RILP: variants seen among roughly 807,000 people sequenced by gnomAD.
RILP encodes rab-interacting lysosomal protein.
A neutral mutation model predicts 40.0 loss-of-function variants in RILP; 53 were observed. That is an observed-to-expected ratio of 1.32 (90% CI 1.06 to 1.66). The LOEUF (loss-of-function observed/expected upper bound fraction) is 1.66. Ranked by LOEUF, RILP falls within the 40% of genes most tolerant of loss-of-function variation. The pLI, the probability that RILP is intolerant of heterozygous loss-of-function variation, is 0.00. For synonymous variants in RILP, 272 were observed against 250.6 expected, an observed-to-expected ratio of 1.09 and a Z score of -0.80; for missense variants, 626 against 551.7, an observed-to-expected ratio of 1.13 and a Z score of -1.35.
In RILP at chr17:1,648,492, C is replaced by T. The variant is rs1325513975; in HGVS notation, c.679G>A (p.Glu227Lys). 5.0e-6 allele frequency: 8 copies of T among 1,612,902 alleles called. No individual in the cohort carries two copies. Among genetic ancestry groups the T allele is most frequent in the Non-Finnish European group, 4.2e-6 (5 of 1,179,926 alleles). ...GAPGNPEDPA[E>K]AAQQLGRPSE... ...GGGCGCCCGAGCTGCTGCGCGGCCT[C>T]CGCCTTTGGAAGGACAGGCACAGTC... The change falls in exon 5 of 8, where the codon GAG (glutamate) becomes AAG (lysine). Residue 227 changes from glutamate (E) to lysine (K), a missense_variant. By Grantham distance (56) the Glu-to-Lys change is moderately conservative. Transcript: ENST00000301336. The surrounding 1 kb of genome is among the most constrained non-coding windows in gnomAD (Gnocchi z 4.9).
At position 1,646,313 on chromosome 17, in the gene RILP, G is replaced by C. The variant is rs989670458; in HGVS notation, c.*129C>G. The stretch of plus-strand genomic sequence containing the variant: ...GGCTCGGTACAGAGACGTAGAGAGG[G>C]AGGCGGGCTGAGACCCCGTCCTGCC... On this transcript the variant is annotated 3_prime_UTR_variant, in exon 8 of 8. Transcript: ENST00000301336. This position sits in a 1 kb window ranked among gnomAD's most constrained non-coding sequence, Gnocchi z 4.3. 8.6e-6 allele frequency: 7 copies of C among 816,158 alleles called. No individual in the cohort carries two copies. In the African/African-American group the frequency reaches 1.2e-4, roughly 14 times the overall value. 50.6% of individuals were successfully genotyped at this position (816,158 alleles called of 1,614,324 possible).
In RILP at chr17:1,646,625, G is replaced by C. The variant is rs550992717; in HGVS notation, c.1029-6C>G. 1 of 1,564,226 alleles carries C rather than the reference G, an allele frequency of 6.4e-7. No homozygotes were observed. The highest frequency in any genetic ancestry group is 1.4e-5 in the African/African-American group (1 of 73,518). The stretch of plus-strand genomic sequence containing the variant: ...CCCGATACCATAGGCCAAAGCTGGA[G>C]AGAGACAGCCAGAGGCACTTTGAGC... On this transcript the variant is annotated splice_region_variant and splice_polypyrimidine_tract_variant and intron_variant, in intron 7 of 7. Transcript: ENST00000301336. This position sits in a 1 kb window ranked among gnomAD's most constrained non-coding sequence, Gnocchi z 4.3.
chr17:1,648,130 C>T lies in RILP; in HGVS notation c.822-173G>A, dbSNP rs1417865253. 6.6e-6 allele frequency among the ~76,000 whole-genome samples: 1 copy of T among 152,216 alleles called. No individual in the cohort carries two copies. Among genetic ancestry groups the T allele is most frequent in the Non-Finnish European group, 1.5e-5 (1 of 68,034 alleles). ...CCCTCAGACCTTAAATTAGGTGGCC[C>T]CGTGGCCCCCTCCTAGGAGAGATTC... is the stretch of plus-strand genomic sequence containing the variant. On this transcript the variant is annotated intron_variant, in intron 5 of 7. Coordinates refer to ENST00000301336, the MANE Select transcript of RILP (RefSeq NM_031430.3). The surrounding 1 kb of genome is among the most constrained non-coding windows in gnomAD (Gnocchi z 4.9).
At chr17:1,647,812 T>C (rs764216686) in intron 6 of RILP, 23 bp downstream of exon 6, 20 of 1,613,670 alleles carry the variant, frequency 1.2e-5, no homozygotes, top group Non-Finnish European at 1.6e-5. Context: ...CCTGGCTCCG[T>C]GGGAATGCAG....
chr17:1,648,463 C>T lies in RILP; in HGVS notation c.708G>A (p.Ser236=), dbSNP rs1272119192. Residue 236 remains serine, a synonymous_variant, in exon 5 of 8, where the codon TCG becomes TCA. Coordinates refer to ENST00000301336, the MANE Select transcript of RILP (RefSeq NM_031430.3). This position sits in a 1 kb window ranked among gnomAD's most constrained non-coding sequence, Gnocchi z 4.9. ...GACTGAAGCGGCACTGCCCTGCCTC[C>T]GAGGGGCGCCCGAGCTGCTGCGCGG... ...AEAAQQLGRP[S]EAGQCRFSRE... 3 of 1,613,806 alleles carry T rather than the reference C, an allele frequency of 1.9e-6. No homozygotes were observed. The East Asian group carries it at 6.7e-5, about 36-fold the overall frequency.
rs1039335329 is a variant in RILP at position 1,647,912 on chromosome 17, G to C, written c.867C>G (p.Ala289=). The change falls in exon 6 of 8, where the codon GCC becomes GCG. Residue 289 remains alanine (A), a synonymous_variant. Coordinates refer to ENST00000301336, the MANE Select transcript of RILP (RefSeq NM_031430.3). ...DHRVPGLLLE[A]MKVAVRKQRK... is the part of the protein sequence containing the mutation. ...GCTGCTTCCGGACAGCCACCTTCAT[G>C]GCCTCGAGCAGAAGGCCGGGGACCC... The C allele has an allele frequency of 1.2e-6, 2 of 1,614,164 alleles. No homozygotes were observed. The highest frequency in any genetic ancestry group is 2.7e-5 in the African/African-American group (2 of 75,050).
In RILP at chr17:1,646,542, C is replaced by A. The variant is rs760251391; in HGVS notation, c.1106G>T (p.Gly369Val). 42 of 1,613,302 alleles carry A rather than the reference C, an allele frequency of 2.6e-5. No homozygotes were observed. The East Asian group carries it at 9.1e-4, about 35-fold the overall frequency. The change falls in exon 8 of 8, where the codon GGA becomes GTA. Residue 369 changes from glycine to valine, a missense_variant. By Grantham distance (109) the Gly-to-Val change is moderately radical. Coordinates refer to ENST00000301336, the MANE Select transcript of RILP (RefSeq NM_031430.3). This position sits in a 1 kb window ranked among gnomAD's most constrained non-coding sequence, Gnocchi z 4.3. The stretch of plus-strand genomic sequence containing the variant: ...AGACTGTGGTTGGGCCTCCTCTTCT[C>A]CCCCTAGCTTGCTGGGTGCAGGGCT... ...TSSPAPSKLG[G>V]EEEAQPQSPA...
chr17:1,646,694 G>A lies in RILP; in HGVS notation c.1029-75C>T. Reference sequence around the variant, plus strand: ...AAGGATATGGGTGAGGGCAGGGGATGGTGAGAAAAGGGGAGAGGGGGAAGA... The same window carrying A: ...AAGGATATGGGTGAGGGCAGGGGATAGTGAGAAAAGGGGAGAGGGGGAAGA... On this transcript the variant is annotated intron_variant, in intron 7 of 7. Coordinates refer to ENST00000301336, the MANE Select transcript of RILP (RefSeq NM_031430.3). This position sits in a 1 kb window ranked among gnomAD's most constrained non-coding sequence, Gnocchi z 4.3. 1 of 1,429,544 alleles carries A rather than the reference G, an allele frequency of 7.0e-7. No individual in the cohort carries two copies. Among genetic ancestry groups the A allele is most frequent in the Non-Finnish European group, 9.5e-7 (1 of 1,055,366 alleles). The allele number at this position is 1,429,544 out of a possible 1,614,324, so 88.6% of individuals were successfully genotyped here.
chr17:1,649,710 GCTAGATGGTACA>G lies in RILP; in HGVS notation c.83_94del (p.Val28_Leu31del). On this transcript the variant is annotated inframe_deletion, in exon 1 of 8. Transcript: ENST00000301336. This position sits in a 1 kb window ranked among gnomAD's most constrained non-coding sequence, Gnocchi z 4.3. Reference sequence around the variant, plus strand: ...CTGCAGCTCAGTGCCCAGGGCCCCGGCTAGATGGTACACAAGCTCCGCGGCCGATGCCGACCC... The same window carrying G: ...CTGCAGCTCAGTGCCCAGGGCCCCGGCAAGCTCCGCGGCCGATGCCGACCC... The G allele has an allele frequency of 6.3e-7, 1 of 1,593,008 alleles. No individual in the cohort carries two copies. The highest frequency in any genetic ancestry group is 1.7e-4 in the Middle Eastern group (1 of 5,906).
In RILP at chr17:1,649,405, C is replaced by G. The variant is rs2151106894; in HGVS notation, c.322+7G>C. 6.6e-7 allele frequency: 1 copy of G among 1,506,210 alleles called. No individual in the cohort carries two copies. Among genetic ancestry groups the G allele is most frequent in the South Asian group, 1.2e-5 (1 of 81,348 alleles). The allele number at this position is 1,506,210 out of a possible 1,614,324, so 93.3% of individuals were successfully genotyped here. ...ACCCGCCCTGCCCTGGCCGGGGCTG[C>G]GCTTACCCTGTGGCCCCGCGCGCAG... On this transcript the variant is annotated splice_region_variant and intron_variant, in intron 2 of 7. Coordinates refer to ENST00000301336, the MANE Select transcript of RILP (RefSeq NM_031430.3). The surrounding 1 kb of genome is among the most constrained non-coding windows in gnomAD (Gnocchi z 4.3).
intron 6 of RILP, 108 bp from the exon 7 acceptor site, chr17:1,647,097 A>G: frequency 1.7e-6 from 1 of 594,470 alleles, no homozygotes; most frequent in South Asian, 3.0e-5. Flanking sequence ...GGGGCTGGAG[A>G]GAAGGCAACC....
chr17:1,646,780 C>T lies in RILP; in HGVS notation c.1028+126G>A, dbSNP rs569195701. On this transcript the variant is annotated intron_variant, in intron 7 of 7. Coordinates refer to ENST00000301336, the MANE Select transcript of RILP (RefSeq NM_031430.3). This position sits in a 1 kb window ranked among gnomAD's most constrained non-coding sequence, Gnocchi z 4.3. ...CCAGGGCCAGAGAAGCAGGAGGGGA[C>T]GGTGTGCTTAGAGCCAAGCACAGCA... 6.9e-5 allele frequency: 72 copies of T among 1,041,240 alleles called. 1 individual carries two copies. In the East Asian group the frequency reaches 1.2e-3, roughly 17 times the overall value. The allele number at this position is 1,041,240 out of a possible 1,614,324, so 64.5% of individuals were successfully genotyped here.
In RILP at chr17:1,646,455, G is replaced by A; in HGVS notation, c.1193C>T (p.Ala398Val). 6.3e-7 allele frequency: 1 copy of A among 1,583,548 alleles called. No individual in the cohort carries two copies. The highest frequency in any genetic ancestry group is 1.2e-5 in the South Asian group (1 of 86,714). ...HEHLCLGASA[A>V]PEA ...CAGACCCCTAAGTCAGGCCTCTGGG[G>A]CGGCTGAGGCCCCCAGACAAAGGTG... The change falls in exon 8 of 8, where the codon GCC (alanine) becomes GTC (valine). Residue 398 changes from alanine (A) to valine (V), a missense_variant. Coordinates refer to ENST00000301336, the MANE Select transcript of RILP (RefSeq NM_031430.3). The surrounding 1 kb of genome is among the most constrained non-coding windows in gnomAD (Gnocchi z 4.3).
In RILP at chr17:1,646,538, T is replaced by A. The variant is rs775025801; in HGVS notation, c.1110A>T (p.Glu370Asp). 3.7e-6 allele frequency: 6 copies of A among 1,613,490 alleles called. No individual in the cohort carries two copies. In the South Asian group the frequency reaches 5.5e-5, roughly 15 times the overall value. ...CTGGAGACTGTGGTTGGGCCTCCTC[T>A]TCTCCCCCTAGCTTGCTGGGTGCAG... ...SSPAPSKLGG[E>D]EEAQPQSPAP... The change falls in exon 8 of 8, where the codon GAA becomes GAT. Residue 370 changes from glutamate (E) to aspartate (D), a missense_variant. By Grantham distance (45) the Glu-to-Asp change is conservative. Coordinates refer to ENST00000301336, the MANE Select transcript of RILP (RefSeq NM_031430.3). This position sits in a 1 kb window ranked among gnomAD's most constrained non-coding sequence, Gnocchi z 4.3.
rs2151106205 is a variant in RILP at position 1,648,935 on chromosome 17, T to C, written c.539A>G (p.Gln180Arg). The change falls in exon 4 of 8, where the codon CAG becomes CGG. Residue 180 changes from glutamine (Q) to arginine (R), a missense_variant. By Grantham distance (43) the Gln-to-Arg change is conservative. Coordinates refer to ENST00000301336, the MANE Select transcript of RILP (RefSeq NM_031430.3). The surrounding 1 kb of genome is among the most constrained non-coding windows in gnomAD (Gnocchi z 4.9). The stretch of plus-strand genomic sequence containing the variant: ...CGGAGTCGCGGCTTCGCCAGGCTGC[T>C]GGCGCTCCCTCTCGCGGTCCTGCGC... ...RAAQDRERERQQPGEAATPQA... is the reference protein window; with the variant it reads ...RAAQDRERERRQPGEAATPQA... 2.0e-6 allele frequency: 3 copies of C among 1,520,964 alleles called. No individual in the cohort carries two copies. Among genetic ancestry groups the C allele is most frequent in the Middle Eastern group, 4.4e-4 (2 of 4,560 alleles). 94.2% of individuals were successfully genotyped at this position (1,520,964 alleles called of 1,614,324 possible).
intron 6 of RILP, among the ~76,000 whole-genome samples, chr17:1,647,275 G>A (rs988113507): frequency 1.1e-4 from 16 of 152,098 alleles, no homozygotes; most frequent in Non-Finnish European, 8.8e-5. Context: ...GAGTAGCTGG[G>A]ATTATAGGCA....
chr17:1,646,818 G>A lies in RILP; in HGVS notation c.1028+88C>T, dbSNP rs1910609713. On this transcript the variant is annotated intron_variant, in intron 7 of 7. Coordinates refer to ENST00000301336, the MANE Select transcript of RILP (RefSeq NM_031430.3). This position sits in a 1 kb window ranked among gnomAD's most constrained non-coding sequence, Gnocchi z 4.3. The stretch of plus-strand genomic sequence containing the variant: ...GCCAAGCACAGCAGGGTGACGGGCA[G>A]AGAAGCGGGAAAGGGGATCCTGAGA... 1 of 1,128,658 alleles carries A rather than the reference G, an allele frequency of 8.9e-7. No individual in the cohort carries two copies. The highest frequency in any genetic ancestry group is 1.3e-6 in the Non-Finnish European group (1 of 795,180). The allele number at this position is 1,128,658 out of a possible 1,614,324, so 69.9% of individuals were successfully genotyped here.
chr17:1,648,538 G>T lies in RILP; in HGVS notation c.676-43C>A. Reference sequence around the variant, plus strand: ...CAGTCAGAGGGTCGCCTCGGCTGGCGTTCCCCCGCCCCAGGGCCATCATGG... The same window carrying T: ...CAGTCAGAGGGTCGCCTCGGCTGGCTTTCCCCCGCCCCAGGGCCATCATGG... On this transcript the variant is annotated intron_variant, in intron 4 of 7. Transcript: ENST00000301336. This position sits in a 1 kb window ranked among gnomAD's most constrained non-coding sequence, Gnocchi z 4.9. 1 of 1,599,646 alleles carries T rather than the reference G, an allele frequency of 6.3e-7. No homozygotes were observed. The highest frequency in any genetic ancestry group is 8.5e-7 in the Non-Finnish European group (1 of 1,175,488).
intron 6 of RILP, among the ~76,000 whole-genome samples, chr17:1,647,285 A>G (rs1387879391): frequency 6.6e-6 from 1 of 152,012 alleles, no homozygotes; most frequent in Non-Finnish European, 1.5e-5. Context: ...GATTATAGGC[A>G]CATGCCACCA....
Sources: gnomAD v4.1 joint callset for allele counts (sites outside exome capture counted in the v4.1 genomes callset) on GRCh38, gnomAD v4.1.1 for gene constraint, Gnocchi (gnomAD v3.1) non-coding constraint, MANE v1.5 for transcripts, NCBI Gene and HGNC (gene_info 2026-07-23, HGNC 2026-07-21) for gene names.